NPAS3: variants seen among roughly 807,000 people sequenced by gnomAD.
NPAS3 encodes neuronal PAS domain-containing protein 3.
NPAS3 carries 14 observed loss-of-function variants against 73.1 expected under a neutral mutation model. The observed-to-expected ratio is 0.19, with a 90% CI of 0.13 to 0.30. The LOEUF (loss-of-function observed/expected upper bound fraction) is 0.30, where lower values mean the gene tolerates loss of function less well. NPAS3 is among the 10% of genes least tolerant of loss of function. The pLI is 1.00. For synonymous variants in NPAS3, 620 were observed against 541.5 expected, an observed-to-expected ratio of 1.14 and a Z score of -2.01; for missense variants, 1,096 against 1,250.0, an observed-to-expected ratio of 0.88 and a Z score of 1.86.
chr14:33,733,617 G>A (rs2061452869), intron 6 of NPAS3, among the ~76,000 whole-genome samples: 1 of 152,104 alleles, frequency 6.6e-6, no homozygotes, highest in Non-Finnish European at 1.5e-5. Flanking sequence ...AAAAGCTGTT[G>A]GCGTATTATG....
chr14:33,239,568 C>T (rs1040105521), intron 3 of NPAS3, among the ~76,000 whole-genome samples: 51 of 151,958 alleles, frequency 3.4e-4, no homozygotes, highest in Non-Finnish European at 6.2e-4. Flanking sequence ...AGATCATTTT[C>T]TACAAATTTT....
intron 5 of NPAS3, among the ~76,000 whole-genome samples, chr14:33,655,257 C>T (rs2059111297): frequency 6.6e-6 from 1 of 152,094 alleles, no homozygotes; most frequent in African/African-American, 2.4e-5. Flanking sequence ...CCCAAATACA[C>T]CCTGTGACCA....
At chr14:33,075,962 C>T (rs1424781073) in intron 2 of NPAS3, among the ~76,000 whole-genome samples, 2 of 152,034 alleles carry the variant, frequency 1.3e-5, no homozygotes, top group African/African-American at 4.8e-5. Context: ...TAGAATTGGC[C>T]TTTAAAATTC....
At chr14:33,265,278 G>T (rs757323229) in intron 3 of NPAS3, among the ~76,000 whole-genome samples, 20 of 152,120 alleles carry the variant, frequency 1.3e-4, no homozygotes, top group Non-Finnish European at 2.2e-4. Context: ...CTGCTCTCTG[G>T]CATCACTTCA....
chr14:33,425,919 G>A (rs146805938), intron 4 of NPAS3, among the ~76,000 whole-genome samples: 1 of 152,098 alleles, frequency 6.6e-6, no homozygotes, highest in African/African-American at 2.4e-5. Flanking sequence ...CAGAAACTTG[G>A]GTGGGACCTA....
At chr14:33,719,998 G>C (rs2061061563) in intron 6 of NPAS3, among the ~76,000 whole-genome samples, 2 of 152,072 alleles carry the variant, frequency 1.3e-5, no homozygotes, top group African/African-American at 4.8e-5. Flanking sequence ...AGAAAAGCTA[G>C]TGTAGAAATT....
intron 2 of NPAS3, among the ~76,000 whole-genome samples, chr14:33,110,185 A>C (rs566787395): frequency 6.6e-6 from 1 of 152,280 alleles, no homozygotes; most frequent in Non-Finnish European, 1.5e-5. Flanking sequence ...TTATTTGAAT[A>C]CTTGAGATAT....
intron 5 of NPAS3, among the ~76,000 whole-genome samples, chr14:33,568,288 T>C (rs1793035709): frequency 1.3e-5 from 2 of 152,212 alleles, no homozygotes. Flanking sequence ...ACGGTGTTTT[T>C]CTGAATTAAC....
chr14:33,355,050 T>C (rs1395947735), intron 3 of NPAS3, among the ~76,000 whole-genome samples: 2 of 152,190 alleles, frequency 1.3e-5, no homozygotes, highest in Admixed American at 6.5e-5. Flanking sequence ...TTTGCAGTGC[T>C]GATGGGGCCA....
intron 2 of NPAS3, among the ~76,000 whole-genome samples, chr14:33,201,689 A>G (rs932791537): frequency 2.0e-5 from 3 of 152,318 alleles, no homozygotes; most frequent in East Asian, 1.9e-4. Context: ...CATGTAGTAC[A>G]CATTTTGTGT....
At chr14:33,272,398 G>A (rs1175895785) in intron 3 of NPAS3, among the ~76,000 whole-genome samples, 3 of 152,128 alleles carry the variant, frequency 2.0e-5, no homozygotes, top group Admixed American at 1.3e-4. Context: ...GGCCAGATGA[G>A]AAATGAATGT....
At chr14:33,760,213 C>A (rs2062240036) in intron 7 of NPAS3, among the ~76,000 whole-genome samples, 1 of 152,112 alleles carries the variant, frequency 6.6e-6, no homozygotes, top group Non-Finnish European at 1.5e-5. Flanking sequence ...CACAGGGTAT[C>A]CAACATCCAA....
chr14:33,561,450 C>G (rs922704591), intron 5 of NPAS3, among the ~76,000 whole-genome samples: 1 of 152,210 alleles, frequency 6.6e-6, no homozygotes, highest in East Asian at 1.9e-4. Context: ...TGCAAGCTCT[C>G]AGCTATAGTG....
In NPAS3 at chr14:33,785,434, C is replaced by CAAAA. The variant is rs1223437695; in HGVS notation, c.1153+6880_1153+6883dup. 9.2e-4 allele frequency among the ~76,000 whole-genome samples: 69 copies of CAAAA among 75,260 alleles called. 2 individuals carry two copies. The highest frequency in any genetic ancestry group is 1.2e-3 in the Non-Finnish European group (45 of 36,318). The allele number at this position is 75,260 out of a possible 152,430, so 49.4% of individuals were successfully genotyped here. A position where few individuals can be genotyped will look rare whatever the true frequency, so the allele number is the denominator to read the frequency against. ...TGGGTGACAGAGTGAGACTCCATCT[C>CAAAA]AAAAAAAAAAAAAAAAAAAAATCAA... On this transcript the variant is annotated intron_variant, in intron 9 of 11. Coordinates refer to ENST00000356141, the Ensembl canonical transcript of NPAS3.
chr14:33,523,360 A>G (rs575438133), intron 4 of NPAS3, among the ~76,000 whole-genome samples: 2 of 151,780 alleles, frequency 1.3e-5, no homozygotes, highest in South Asian at 2.1e-4. Flanking sequence ...AACCTTGGAT[A>G]CTATAAAAAG....
chr14:33,784,721 T>TTTTATTTATTATTTA (rs1555333479), intron 9 of NPAS3, among the ~76,000 whole-genome samples: 1 of 104,084 alleles, frequency 9.6e-6, no homozygotes, highest in East Asian at 2.9e-4. Context: ...TTATTGTTAT[T>TTTTATTTATTATTTA]TTTATTTATT....
rs192450749 is a variant in NPAS3, at chr14:33,785,465, C to G, written c.1153+6893C>G. 8.3e-4 allele frequency among the ~76,000 whole-genome samples: 124 copies of G among 150,070 alleles called. 1 individual carries two copies. Among genetic ancestry groups the G allele is most frequent in the African/African-American group, 3.0e-3 (122 of 40,870 alleles). ...AAAAAAAAAAAAAAAATCAATACTT[C>G]TGAGTCATCCATTTTCACCTAAATC... On this transcript the variant is annotated intron_variant, in intron 9 of 11. Coordinates refer to ENST00000356141, the Ensembl canonical transcript of NPAS3.
rs529652881 is a variant in NPAS3, at chr14:33,495,841, C to T, written c.469-64280C>T. ...TCCATTTGCTTGGTAAATATTCCTC[C>T]GTCACTTTATTTTGAGCCTAGAAGG... On this transcript the variant is annotated intron_variant, in intron 4 of 11. Transcript: ENST00000356141. Among the ~76,000 whole-genome samples, 15 of 151,736 alleles carry T rather than the reference C, an allele frequency of 9.9e-5. No homozygotes were observed. In the East Asian group the frequency reaches 1.4e-3, roughly 14 times the overall value.
At chr14:33,260,810 TTTC>T (rs1014459479) in intron 3 of NPAS3, among the ~76,000 whole-genome samples, 2 of 152,146 alleles carry the variant, frequency 1.3e-5, no homozygotes, top group East Asian at 1.9e-4. Flanking sequence ...TCCTAACAGA[TTTC>T]TTCTTCTTGG....
Sources: allele counts gnomAD v4.1 joint callset (sites outside exome capture counted in the v4.1 genomes callset), GRCh38; gene constraint gnomAD v4.1.1; transcripts MANE v1.5; gene names NCBI Gene and HGNC (gene_info 2026-07-23, HGNC 2026-07-21).